Variants in MAPKAPK2 observed in about 807,000 individuals in gnomAD.
MAPKAPK2 encodes the protein MAP kinase-activated protein kinase 2.
A neutral mutation model predicts 48.8 loss-of-function variants in MAPKAPK2; 9 were observed. The observed-to-expected ratio is 0.18, with a 90% CI of 0.11 to 0.32. The LOEUF is 0.32. Ranked by LOEUF, MAPKAPK2 falls within the 10% of genes least tolerant of loss-of-function variation. The pLI is 1.00. For missense variants in MAPKAPK2, 331 were observed against 498.3 expected (o/e 0.66, Z 3.20); for synonymous variants, 202 against 190.6 (o/e 1.06, Z -0.49).
intron 4 of MAPKAPK2, 36 bp downstream of exon 4, chr1:206,729,511 T>TG: frequency 1.3e-6 from 2 of 1,583,458 alleles, no homozygotes; most frequent in African/African-American, 2.7e-5. Context: ...CCGAGTGCTG[T>TG]GGGGGGCAAC....
chr1:206,689,205 T>G (rs949179406), intron 1 of MAPKAPK2, among the ~76,000 whole-genome samples: 4 of 152,216 alleles, frequency 2.6e-5, no homozygotes, highest in Non-Finnish European at 5.9e-5. Flanking sequence ...GAAAACAAGG[T>G]CCTGTAGTTT....
intron 1 of MAPKAPK2, among the ~76,000 whole-genome samples, chr1:206,703,588 A>G (rs534751638): frequency 1.3e-5 from 2 of 152,360 alleles, no homozygotes; most frequent in African/African-American, 4.8e-5. Flanking sequence ...AAATTGGGAA[A>G]CAGAGGGTAG....
rs938346140 is a variant in MAPKAPK2, at chr1:206,734,087, G to A, written c.*1369G>A. On this transcript the variant is annotated 3_prime_UTR_variant, in exon 10 of 10. Transcript: ENST00000367103. Reference sequence around the variant, plus strand: ...TCCCCCTTCCCTTGGAGGGAGAGGTGGCAGGAATACTTCACCTTTCCTCTC... The same window carrying A: ...TCCCCCTTCCCTTGGAGGGAGAGGTAGCAGGAATACTTCACCTTTCCTCTC... The A allele has an allele frequency of 1.3e-5, 2 of 152,688 alleles. No homozygotes were observed. Among genetic ancestry groups the A allele is most frequent in the African/African-American group, 4.8e-5 (2 of 41,456 alleles). The allele number at this position is 152,688 out of a possible 1,614,324, so 9.5% of individuals were successfully genotyped here.
At chr1:206,702,781 CT>C (rs1553428081) in intron 1 of MAPKAPK2, among the ~76,000 whole-genome samples, 4 of 152,256 alleles carry the variant, frequency 2.6e-5, no homozygotes, top group African/African-American at 7.2e-5. Flanking sequence ...CAGGAGAGCA[CT>C]CCTTCCCGCT....
intron 1 of MAPKAPK2, among the ~76,000 whole-genome samples, chr1:206,689,544 T>C (rs980990072): frequency 2.6e-5 from 4 of 152,170 alleles, no homozygotes; most frequent in Non-Finnish European, 5.9e-5. Flanking sequence ...TGCAATATGG[T>C]TACAGGTAGG....
At chr1:206,710,891 T>G (rs2102396882) in intron 1 of MAPKAPK2, among the ~76,000 whole-genome samples, 1 of 152,356 alleles carries the variant, frequency 6.6e-6, no homozygotes, top group East Asian at 1.9e-4. Context: ...AATAAAACAC[T>G]CATTCTCAGT....
intron 1 of MAPKAPK2, among the ~76,000 whole-genome samples, chr1:206,716,483 G>T (rs549709504): frequency 3.9e-5 from 6 of 152,146 alleles, no homozygotes; most frequent in Non-Finnish European, 7.4e-5. Flanking sequence ...TGTACTGGGT[G>T]GGGGATGTGT....
intron 1 of MAPKAPK2, among the ~76,000 whole-genome samples, chr1:206,705,591 G>C (rs1672928805): frequency 6.6e-6 from 1 of 152,182 alleles, no homozygotes; most frequent in Non-Finnish European, 1.5e-5. Flanking sequence ...TGACTCTTGA[G>C]GGACAGCCAG....
intron 1 of MAPKAPK2, among the ~76,000 whole-genome samples, chr1:206,689,180 A>G (rs979814798): frequency 6.6e-6 from 1 of 152,140 alleles, no homozygotes; most frequent in African/African-American, 2.4e-5. Context: ...GTATCTTTCC[A>G]TTGCGTGGAT....
intron 5 of MAPKAPK2, 90 bp downstream of exon 5, chr1:206,730,188 G>A: frequency 1.3e-6 from 2 of 1,515,198 alleles, no homozygotes; most frequent in Non-Finnish European, 1.8e-6. Context: ...GCAAATCCTA[G>A]GAGAGTTGTG....
At chr1:206,698,893 A>C (rs1672709177) in intron 1 of MAPKAPK2, among the ~76,000 whole-genome samples, 1 of 152,244 alleles carries the variant, frequency 6.6e-6, no homozygotes, top group Non-Finnish European at 1.5e-5. Flanking sequence ...CCTGAGGCTT[A>C]TTAATAAGTG....
chr1:206,719,887 CTA>C (rs1332525427), intron 1 of MAPKAPK2, among the ~76,000 whole-genome samples: 14 of 152,240 alleles, frequency 9.2e-5, no homozygotes, highest in African/African-American at 3.4e-4. Context: ...ATAATTAAAA[CTA>C]TTTTCTTTGA....
intron 1 of MAPKAPK2, among the ~76,000 whole-genome samples, chr1:206,713,188 T>C (rs1287225569): frequency 6.6e-6 from 1 of 152,132 alleles, no homozygotes; most frequent in Non-Finnish European, 1.5e-5. Context: ...TAAATCCCAC[T>C]GGTGAGTGCT....
chr1:206,725,106 C>G (rs999424125), intron 1 of MAPKAPK2, among the ~76,000 whole-genome samples: 1 of 152,242 alleles, frequency 6.6e-6, no homozygotes, highest in Admixed American at 6.5e-5. Context: ...TCCGTCTCCT[C>G]TAATGGGTAG....
chr1:206,690,412 G>A lies in MAPKAPK2; in HGVS notation c.279+4904G>A, dbSNP rs976097398. Reference sequence around the variant, plus strand: ...TGGAGACAATCTCCAGCTAAGATACGGGATCAGTGGCTGACAGGAGGGGAG... The same window carrying A: ...TGGAGACAATCTCCAGCTAAGATACAGGATCAGTGGCTGACAGGAGGGGAG... On this transcript the variant is annotated intron_variant, in intron 1 of 9. Transcript: ENST00000367103. Among the ~76,000 whole-genome samples the A allele has an allele frequency of 2.4e-4, 36 of 152,334 alleles. 1 individual carries two copies. Among genetic ancestry groups the A allele is most frequent in the African/African-American group, 8.4e-4 (35 of 41,572 alleles).
intron 1 of MAPKAPK2, among the ~76,000 whole-genome samples, chr1:206,691,235 C>G (rs1303300189): frequency 1.3e-5 from 2 of 152,066 alleles, no homozygotes; most frequent in Admixed American, 1.3e-4. Flanking sequence ...CTGGGACCTG[C>G]TCTTGGTCTG....
In MAPKAPK2 at chr1:206,732,143, T is replaced by G; in HGVS notation, c.1059+224T>G. 6.2e-7 allele frequency: 1 copy of G among 1,613,906 alleles called. No individual in the cohort carries two copies. On this transcript the variant is annotated intron_variant, in intron 9 of 9. Transcript: ENST00000367103. This position sits in a 1 kb window ranked among gnomAD's most constrained non-coding sequence, Gnocchi z 4.4. The stretch of plus-strand genomic sequence containing the variant: ...ACTCAGTGCTGTTTCTTAGAATCCT[T>G]TTATTCCCTGGGTCTCTAATGGGAC...
At chr1:206,713,883 A>T (rs963661171) in intron 1 of MAPKAPK2, among the ~76,000 whole-genome samples, 2 of 151,198 alleles carry the variant, frequency 1.3e-5, no homozygotes, top group African/African-American at 2.5e-5. Context: ...GAAAGCACAC[A>T]AGAGAAAAGG....
At chr1:206,697,794 A>C (rs1196593137) in intron 1 of MAPKAPK2, among the ~76,000 whole-genome samples, 2 of 152,196 alleles carry the variant, frequency 1.3e-5, no homozygotes, top group Non-Finnish European at 2.9e-5. Context: ...GGGCTGCTTA[A>C]CTCCATGCCA....
Sources: allele counts gnomAD v4.1 joint callset (sites outside exome capture counted in the v4.1 genomes callset), GRCh38; gene constraint gnomAD v4.1.1; non-coding constraint Gnocchi (gnomAD v3.1); transcripts MANE v1.5; gene names NCBI Gene and HGNC (gene_info 2026-07-23, HGNC 2026-07-21).